COL3A1: variants seen among roughly 807,000 people sequenced by gnomAD.
COL3A1 encodes collagen type III alpha 1 chain, also known as collagen alpha-1(III) chain.
A neutral mutation model predicts 200.9 loss-of-function variants in COL3A1; 46 were observed. That is an observed-to-expected ratio of 0.23 (90% CI 0.18 to 0.29). COL3A1 has a LOEUF of 0.29. Ranked by LOEUF, COL3A1 falls within the 10% of genes least tolerant of loss-of-function variation. The pLI is 1.00. For missense variants in COL3A1, 1,367 were observed against 1,917.6 expected (o/e 0.71, Z 5.36); for synonymous variants, 650 against 628.0 (o/e 1.03, Z -0.52).
chr2:189,001,723 A>G, intron 34 of COL3A1, 134 bp downstream of exon 34: 1 of 860,370 alleles, frequency 1.2e-6, no homozygotes. Flanking sequence ...AAAACCATAT[A>G]AGGAACCATA....
intron 1 of COL3A1, 44 bp from the exon 2 acceptor site, chr2:188,984,716 A>G: frequency 6.3e-7 from 1 of 1,584,322 alleles, no homozygotes; most frequent in South Asian, 1.1e-5. Flanking sequence ...ATCACCTTTC[A>G]GCAAAACCTA....
intron 45 of COL3A1, 83 bp downstream of exon 45, chr2:189,007,690 A>T (rs1292451457): frequency 1.5e-6 from 2 of 1,302,786 alleles, no homozygotes; most frequent in Non-Finnish European, 2.2e-6. Flanking sequence ...CCATCTCTAA[A>T]AATATGTACT....
chr2:188,992,709 G>T (rs751176852), intron 14 of COL3A1, among the ~76,000 whole-genome samples, 178 bp from the exon 15 acceptor site: 4 of 152,052 alleles, frequency 2.6e-5, no homozygotes, highest in African/African-American at 9.7e-5. Flanking sequence ...TCTAACTTTA[G>T]ATTTCACTCT....
At chr2:189,009,958 A>G (rs1400236340) in intron 48 of COL3A1, among the ~76,000 whole-genome samples, 1 of 152,208 alleles carries the variant, frequency 6.6e-6, no homozygotes, top group Non-Finnish European at 1.5e-5. Flanking sequence ...TATCATCCTT[A>G]TTAGAAACCA....
At chr2:188,991,795 G>A (rs1688196813) in intron 13 of COL3A1, 73 bp downstream of exon 13, 1 of 1,505,508 alleles carries the variant, frequency 6.6e-7, no homozygotes, top group Non-Finnish European at 9.2e-7. Context: ...TAAAGTTTCA[G>A]GCTGTAAAAA....
Position 188,991,038 on chromosome 2 carries a change from C to T in COL3A1, c.833C>T (p.Thr278Ile). The change falls in exon 11 of 51, where the codon ACA becomes ATA. Residue 278 changes from threonine (T) to isoleucine (I), a missense_variant. Physicochemically the swap from Thr to Ile is moderately conservative, Grantham distance 89 (BLOSUM62 -1). This residue lies in a region of COL3A1 where 462 missense variants were observed against 681.4 expected (regional missense o/e 0.68). Transcript: ENST00000304636. ...FDGRNGEKGE[T>I]GAPGLKGENG... ...GGACGAAATGGAGAAAAGGGTGAAACAGGTGCTCCTGGATTAAAGGTAAAT... is the reference window on the plus strand; with the variant it reads ...GGACGAAATGGAGAAAAGGGTGAAATAGGTGCTCCTGGATTAAAGGTAAAT... 1 of 1,613,200 alleles carries T rather than the reference C, an allele frequency of 6.2e-7. No homozygotes were observed. Among genetic ancestry groups the T allele is most frequent in the Non-Finnish European group, 8.5e-7 (1 of 1,179,520 alleles).
chr2:189,008,575 A>G (rs1688648385), intron 47 of COL3A1: 1 of 409,454 alleles, frequency 2.4e-6, no homozygotes, highest in South Asian at 2.6e-5. Context: ...TGAAATAAAA[A>G]CAATTATCCC....
chr2:188,995,547 A>C (rs2153502534), intron 21 of COL3A1, 145 bp from the exon 22 acceptor site: 1 of 629,818 alleles, frequency 1.6e-6, no homozygotes, highest in South Asian at 2.1e-5. Flanking sequence ...AGCTAAGATA[A>C]CTGATTTTAT....
At chr2:189,002,916 G>A (rs1688498701) in intron 35 of COL3A1, 39 bp from the exon 36 acceptor site, 3 of 1,352,604 alleles carry the variant, frequency 2.2e-6, no homozygotes, top group East Asian at 2.5e-5. Context: ...GTATCATAAA[G>A]AGTGTCAGCT....
chr2:189,003,919 A>G, intron 38 of COL3A1, 63 bp from the exon 39 acceptor site: 7 of 1,569,528 alleles, frequency 4.5e-6, no homozygotes, highest in Non-Finnish European at 5.2e-6. Flanking sequence ...GAAGTAAGTA[A>G]AAAAAGAAAG....
rs73047659 is a variant in COL3A1 at position 189,004,439 on chromosome 2, T to C, written c.2931+75T>C. On this transcript the variant is annotated intron_variant, in intron 40 of 50. Coordinates refer to ENST00000304636, the MANE Select transcript of COL3A1 (RefSeq NM_000090.4). Reference sequence around the variant, plus strand: ...AGAGATCACTTAACCATATCAAGGATGAAAAGTTTTTCTGTCACTGGAGTA... The same window carrying C: ...AGAGATCACTTAACCATATCAAGGACGAAAAGTTTTTCTGTCACTGGAGTA... 2.2e-6 allele frequency: 3 copies of C among 1,389,844 alleles called. No individual in the cohort carries two copies. In the East Asian group the frequency reaches 7.4e-5, roughly 34 times the overall value. The allele number at this position is 1,389,844 out of a possible 1,614,324, so 86.1% of individuals were successfully genotyped here.
chr2:188,992,371 T>C, intron 14 of COL3A1, 143 bp downstream of exon 14: 2 of 747,864 alleles, frequency 2.7e-6, no homozygotes, highest in South Asian at 3.8e-5. Flanking sequence ...AGCATCTCTG[T>C]TGACCATTTT....
chr2:188,994,760 G>T lies in COL3A1; in HGVS notation c.1384G>T (p.Gly462Cys). The change falls in exon 20 of 51, where the codon GGC becomes TGC. Residue 462 changes from glycine (G) to cysteine (C), a missense_variant. This residue lies in a region of COL3A1 where 462 missense variants were observed against 681.4 expected (regional missense o/e 0.68). Coordinates refer to ENST00000304636, the MANE Select transcript of COL3A1 (RefSeq NM_000090.4). This position sits in a 1 kb window ranked among gnomAD's most constrained non-coding sequence, Gnocchi z 4.5. ...AGIPGVPGAK[G>C]EDGKDGSPGE... ...TATTCCAGGTGTTCCAGGAGCTAAA[G>T]GCGAAGATGGCAAGGATGGATCACC... is the stretch of plus-strand genomic sequence containing the variant. 1 of 1,613,666 alleles carries T rather than the reference G, an allele frequency of 6.2e-7. No homozygotes were observed. Among genetic ancestry groups the T allele is most frequent in the Non-Finnish European group, 8.5e-7 (1 of 1,179,962 alleles).
rs1261828944 is a variant in COL3A1 at position 188,999,360 on chromosome 2, C to A, written c.2098C>A (p.Pro700Thr). 6.2e-7 allele frequency: 1 copy of A among 1,603,072 alleles called. No individual in the cohort carries two copies. Among genetic ancestry groups the A allele is most frequent in the Non-Finnish European group, 8.5e-7 (1 of 1,174,544 alleles). The change falls in exon 30 of 51, where the codon CCC (proline) becomes ACC (threonine). Residue 700 changes from proline (P) to threonine (T), a missense_variant. Pro to Thr is a conservative substitution (Grantham distance 38). Around this residue, in one of 5 missense-constraint regions of COL3A1, gnomAD observed 846 missense variants for 1,147.9 expected, o/e 0.74. Coordinates refer to ENST00000304636, the MANE Select transcript of COL3A1 (RefSeq NM_000090.4). ...CCCAGGACTTAGAGGTGGAGCTGGT[C>A]CCCCTGGTCCCGAAGGAGGAAAGGT... is the stretch of plus-strand genomic sequence containing the variant. ...GAPGLRGGAG[P>T]PGPEGGKGAA... is the part of the protein sequence containing the mutation.
At chr2:188,982,296 C>T (rs930787680) in intron 1 of COL3A1, among the ~76,000 whole-genome samples, 7 of 151,540 alleles carry the variant, frequency 4.6e-5, no homozygotes, top group African/African-American at 1.7e-4. Flanking sequence ...TTGCATTTGA[C>T]CCAATTTTAA....
chr2:188,990,061 A>G, intron 8 of COL3A1, 35 bp from the exon 9 acceptor site: 1 of 1,599,582 alleles, frequency 6.3e-7, no homozygotes, highest in East Asian at 2.2e-5. Flanking sequence ...TTTCTCATAC[A>G]TGAGCACCTA....
chr2:188,998,153 C>A, intron 27 of COL3A1, 113 bp from the exon 28 acceptor site: 1 of 961,674 alleles, frequency 1.0e-6, no homozygotes, highest in Non-Finnish European at 1.6e-6. Flanking sequence ...TCTACCCCTA[C>A]AAGACCACTG....
At chr2:189,007,678 T>C (rs1374786808) in intron 45 of COL3A1, 71 bp downstream of exon 45, 2 of 1,384,456 alleles carry the variant, frequency 1.4e-6, no homozygotes, top group Non-Finnish European at 2.0e-6. Flanking sequence ...GAAGAAAGCT[T>C]TCCATCTCTA....
chr2:188,992,296 A>G, intron 14 of COL3A1, 68 bp downstream of exon 14: 1 of 1,352,536 alleles, frequency 7.4e-7, no homozygotes, highest in Non-Finnish European at 1.1e-6. Flanking sequence ...ATTATTTAAT[A>G]TTTTATATAT....
Sources: allele counts gnomAD v4.1 joint callset (sites outside exome capture counted in the v4.1 genomes callset), GRCh38; gene constraint gnomAD v4.1.1; regional missense constraint gnomAD v4.1.1; non-coding constraint Gnocchi (gnomAD v3.1); transcripts MANE v1.5; gene names NCBI Gene and HGNC (gene_info 2026-07-23, HGNC 2026-07-21).